VAV3: variants seen among roughly 807,000 people sequenced by gnomAD.
VAV3 encodes guanine nucleotide exchange factor VAV3.
Under a neutral mutation model 131.2 loss-of-function variants are expected in VAV3, and 94 were observed. The ratio of observed to expected loss-of-function variants is 0.72; its 90% CI spans 0.61 to 0.85. VAV3 has a LOEUF of 0.85. Among genes scored for constraint, VAV3 ranks in the 40% least tolerant of loss-of-function variants. The probability of loss-of-function intolerance (pLI) is 0.00; values close to 1 mark genes in which losing one functional copy is unlikely to be tolerated. For missense variants in VAV3, 939 were observed against 1,002.7 expected (o/e 0.94, Z 0.86); for synonymous variants, 349 against 342.0 (o/e 1.02, Z -0.22).
chr1:107,722,091 G>A (rs758492083), intron 15 of VAV3, among the ~76,000 whole-genome samples: 64 of 152,166 alleles, frequency 4.2e-4, no homozygotes, highest in Admixed American at 7.2e-4. Context: ...GACAGTAAAC[G>A]GGGGTTTGAG....
chr1:107,849,643 C>G (rs1669129781), intron 2 of VAV3, among the ~76,000 whole-genome samples: 1 of 152,246 alleles, frequency 6.6e-6, no homozygotes, highest in East Asian at 1.9e-4. Flanking sequence ...CTAGGCAATA[C>G]CACTCAGGAC....
rs1665404113 is a variant in VAV3 at position 107,777,132 on chromosome 1, T to C, written c.446+99A>G. ...AGGTTAATCAGTAATTAAGCCACTT[T>C]TCCTCCTTCAGATAGCTTACTTTAA... is the stretch of plus-strand genomic sequence containing the variant. On this transcript the variant is annotated intron_variant, in intron 4 of 26. Coordinates refer to ENST00000370056, the MANE Select transcript of VAV3 (RefSeq NM_006113.5). The C allele has an allele frequency of 1.7e-5, 18 of 1,085,272 alleles. No individual in the cohort carries two copies. The East Asian group carries it at 3.8e-4, about 23-fold the overall frequency. 67.2% of individuals were successfully genotyped at this position (1,085,272 alleles called of 1,614,324 possible). A position where few individuals can be genotyped will look rare whatever the true frequency, so the allele number is the denominator to read the frequency against.
At chr1:107,621,462 G>A (rs1049048944) in intron 20 of VAV3, among the ~76,000 whole-genome samples, 3 of 151,996 alleles carry the variant, frequency 2.0e-5, no homozygotes, top group Admixed American at 6.6e-5. Context: ...TGGGATGTAC[G>A]TTGGTAATTC....
At chr1:107,868,290 T>C (rs1238050707) in intron 2 of VAV3, among the ~76,000 whole-genome samples, 6 of 152,182 alleles carry the variant, frequency 3.9e-5, no homozygotes, top group Non-Finnish European at 7.4e-5. Context: ...AAATAATTCT[T>C]CCTGTTTACA....
chr1:107,885,020 C>T (rs1489908612), intron 1 of VAV3, among the ~76,000 whole-genome samples: 2 of 152,174 alleles, frequency 1.3e-5, no homozygotes, highest in Admixed American at 6.5e-5. Flanking sequence ...CAGTGGTGGT[C>T]GTAGCAGCTG....
At chr1:107,662,071 A>C (rs1284722775) in intron 19 of VAV3, among the ~76,000 whole-genome samples, 1 of 152,238 alleles carries the variant, frequency 6.6e-6, no homozygotes, top group Non-Finnish European at 1.5e-5. Flanking sequence ...ATAATTGTTT[A>C]CATGGCATAG....
Position 107,668,741 on chromosome 1 carries a change from A to G in VAV3, c.1777+14747T>C, listed in dbSNP as rs1274970438. On this transcript the variant is annotated intron_variant, in intron 19 of 26. Coordinates refer to ENST00000370056, the MANE Select transcript of VAV3 (RefSeq NM_006113.5). Reference sequence around the variant, plus strand: ...ACTAACAATTCTAAAGAAATTTACCATTAAATGAATGTAGGTGTTTCAGTA... The same window carrying G: ...ACTAACAATTCTAAAGAAATTTACCGTTAAATGAATGTAGGTGTTTCAGTA... The G allele has an allele frequency of 3.0e-6, 3 of 984,302 alleles. No homozygotes were observed. The Admixed American group carries it at 1.8e-4, about 60-fold the overall frequency. 61.0% of individuals were successfully genotyped at this position (984,302 alleles called of 1,614,324 possible). A position where few individuals can be genotyped will look rare whatever the true frequency, so the allele number is the denominator to read the frequency against.
At chr1:107,668,718 T>G (rs1008838920) in intron 19 of VAV3, 11 of 984,936 alleles carry the variant, frequency 1.1e-5, no homozygotes, top group Non-Finnish European at 1.3e-5. Context: ...AGGAGGAAAC[T>G]AACAATTCTA....
At chr1:107,674,657 C>T (rs982554350) in intron 19 of VAV3, among the ~76,000 whole-genome samples, 1 of 152,146 alleles carries the variant, frequency 6.6e-6, no homozygotes, top group Non-Finnish European at 1.5e-5. Context: ...TGCTGTGTGA[C>T]CTTGGTTGAA....
At chr1:107,933,463 A>G (rs1673556960) in intron 1 of VAV3, among the ~76,000 whole-genome samples, 1 of 152,162 alleles carries the variant, frequency 6.6e-6, no homozygotes. Flanking sequence ...AAGGTTAGCA[A>G]TTAGAAGGAG....
At chr1:107,667,609 C>A (rs890218971) in intron 19 of VAV3, among the ~76,000 whole-genome samples, 1 of 152,094 alleles carries the variant, frequency 6.6e-6, no homozygotes, top group Admixed American at 6.5e-5. Context: ...CACACACACA[C>A]ACAAACAAAT....
rs183054913 is a variant in VAV3 at position 107,639,659 on chromosome 1, T to A, written c.1914+2960A>T. The stretch of plus-strand genomic sequence containing the variant: ...ACCACTATATACCTGCTAGAATAAA[T>A]AAAATTTAAAAGACTGGCTCATGCT... On this transcript the variant is annotated intron_variant, in intron 20 of 26. Coordinates refer to ENST00000370056, the MANE Select transcript of VAV3 (RefSeq NM_006113.5). Among the ~76,000 whole-genome samples, 76 of 152,132 alleles carry A rather than the reference T, an allele frequency of 5.0e-4. 1 individual carries two copies. Among genetic ancestry groups the A allele is most frequent in the Admixed American group, 7.9e-4 (12 of 15,282 alleles).
chr1:107,840,486 A>T (rs1372782183), intron 2 of VAV3, among the ~76,000 whole-genome samples: 1 of 152,196 alleles, frequency 6.6e-6, no homozygotes, highest in Non-Finnish European at 1.5e-5. Context: ...TTTCCCTCTC[A>T]GCCACAAATG....
At chr1:107,660,488 A>C (rs1477005331) in intron 19 of VAV3, among the ~76,000 whole-genome samples, 1 of 152,188 alleles carries the variant, frequency 6.6e-6, no homozygotes, top group African/African-American at 2.4e-5. Context: ...GGAAATACGC[A>C]CCAGGCCAAG....
intron 2 of VAV3, among the ~76,000 whole-genome samples, chr1:107,795,963 A>G (rs1666519123): frequency 6.6e-6 from 1 of 152,202 alleles, no homozygotes. Flanking sequence ...CATCCCATTA[A>G]ATCCTAATTC....
At chr1:107,952,696 T>C (rs913182639) in intron 1 of VAV3, among the ~76,000 whole-genome samples, 5 of 151,906 alleles carry the variant, frequency 3.3e-5, no homozygotes, top group Non-Finnish European at 7.4e-5. Flanking sequence ...TCCACTGTTT[T>C]ATAAGGGAAA....
chr1:107,900,941 A>G (rs1251039277), intron 1 of VAV3, among the ~76,000 whole-genome samples: 4 of 152,200 alleles, frequency 2.6e-5, no homozygotes, highest in Non-Finnish European at 5.9e-5. Flanking sequence ...CTTACCTTGT[A>G]TATTTTACGT....
intron 20 of VAV3, among the ~76,000 whole-genome samples, chr1:107,637,202 A>T (rs1221836848): frequency 1.3e-5 from 2 of 152,370 alleles, no homozygotes; most frequent in Non-Finnish European, 2.9e-5. Context: ...ATAAAAATTC[A>T]TGCCATTAAA....
intron 6 of VAV3, among the ~76,000 whole-genome samples, chr1:107,769,667 T>C (rs1237186169): frequency 6.6e-6 from 1 of 152,182 alleles, no homozygotes; most frequent in Non-Finnish European, 1.5e-5. Context: ...ACAAATCCCA[T>C]TCAAAGTCTA....
Sources: allele counts gnomAD v4.1 joint callset (sites outside exome capture counted in the v4.1 genomes callset), GRCh38; gene constraint gnomAD v4.1.1; transcripts MANE v1.5; gene names NCBI Gene and HGNC (gene_info 2026-07-23, HGNC 2026-07-21).